DLGAP1: variants seen among roughly 807,000 people sequenced by gnomAD.
The protein encoded by DLGAP1 is DLG associated protein 1.
In DLGAP1, 11 loss-of-function variants were observed where a neutral mutation model predicts 90.8. The observed-to-expected ratio is 0.12, with a 90% CI of 0.08 to 0.20. The LOEUF (loss-of-function observed/expected upper bound fraction) is 0.20. Among genes scored for constraint, DLGAP1 ranks in the 10% least tolerant of loss-of-function variants. The pLI, the probability that DLGAP1 is intolerant of heterozygous loss-of-function variation, is 1.00. For missense variants in DLGAP1, 1,050 were observed against 1,333.8 expected, an observed-to-expected ratio of 0.79 and a Z score of 3.31; for synonymous variants, 558 against 540.7, an observed-to-expected ratio of 1.03 and a Z score of -0.44.
rs147729989 is a variant in DLGAP1, at chr18:4,331,727, G to A, written c.-267+123279C>T. Among the ~76,000 whole-genome samples the A allele has an allele frequency of 1.3e-3, 190 of 151,790 alleles. 5 individuals are homozygous for A. The highest frequency in any genetic ancestry group is 4.1e-3 in the African/African-American group (168 of 41,154). ...ACACTTCGGTTCCTCCTGGTCTTTCGGCTTCTTGATTCTATTAAATTATTT... is the reference window on the plus strand; with the variant it reads ...ACACTTCGGTTCCTCCTGGTCTTTCAGCTTCTTGATTCTATTAAATTATTT... On this transcript the variant is annotated intron_variant, in intron 1 of 12. Coordinates refer to ENST00000315677, the MANE Select transcript of DLGAP1 (RefSeq NM_004746.4).
chr18:3,803,714 G>A (rs1232418529), intron 5 of DLGAP1, among the ~76,000 whole-genome samples: 1 of 151,854 alleles, frequency 6.6e-6, no homozygotes, highest in Non-Finnish European at 1.5e-5. Context: ...GGCTGGAGCC[G>A]AAGACCCAGG....
chr18:4,080,171 C>T (rs1321833116), intron 2 of DLGAP1, among the ~76,000 whole-genome samples: 1 of 152,130 alleles, frequency 6.6e-6, no homozygotes, highest in Non-Finnish European at 1.5e-5. Flanking sequence ...TAAAAATAGA[C>T]ATATTGCAGT....
At chr18:4,021,547 T>C (rs1477526526) in intron 2 of DLGAP1, among the ~76,000 whole-genome samples, 2 of 152,204 alleles carry the variant, frequency 1.3e-5, no homozygotes, top group Non-Finnish European at 2.9e-5. Flanking sequence ...ATTAAACTCC[T>C]CTTCTTTGTA....
intron 4 of DLGAP1, among the ~76,000 whole-genome samples, chr18:3,862,223 T>C (rs1445189917): frequency 1.3e-5 from 2 of 152,110 alleles, no homozygotes; most frequent in Non-Finnish European, 2.9e-5. Context: ...TGTCAGAGGA[T>C]GAGGGGCCCT....
chr18:3,508,084 G>A (rs929497747), intron 11 of DLGAP1, among the ~76,000 whole-genome samples: 22 of 151,846 alleles, frequency 1.4e-4, no homozygotes, highest in African/African-American at 5.1e-4. Flanking sequence ...TTCTTCATTT[G>A]TTTCAAGAAG....
At chr18:3,819,048 A>T (rs1478537197) in intron 4 of DLGAP1, among the ~76,000 whole-genome samples, 1 of 151,590 alleles carries the variant, frequency 6.6e-6, no homozygotes, top group Non-Finnish European at 1.5e-5. Flanking sequence ...GCGGTGGCTC[A>T]TGCCTGTAAT....
intron 1 of DLGAP1, among the ~76,000 whole-genome samples, chr18:4,222,811 G>A (rs2078105666): frequency 6.6e-6 from 1 of 151,628 alleles, no homozygotes; most frequent in African/African-American, 2.4e-5. Context: ...TGGCAAAAAT[G>A]TGGGTAAACT....
At position 3,563,492 on chromosome 18, in the gene DLGAP1, G is replaced by A. The variant is rs764942370; in HGVS notation, c.2057+3998C>T. ...TTTTTTTGGTTTTTTTTTTTGAGAC[G>A]GAATTTCGCTCTTGTTGCCCAGGCT... is the stretch of plus-strand genomic sequence containing the variant. On this transcript the variant is annotated intron_variant, in intron 9 of 12. Transcript: ENST00000315677. Among the ~76,000 whole-genome samples the A allele has an allele frequency of 4.6e-4, 69 of 149,396 alleles. 2 individuals carry two copies. Among genetic ancestry groups the A allele is most frequent in the East Asian group, 3.9e-4 (2 of 5,076 alleles).
chr18:3,685,971 C>T (rs976933381), intron 7 of DLGAP1, among the ~76,000 whole-genome samples: 6 of 152,004 alleles, frequency 3.9e-5, no homozygotes, highest in African/African-American at 7.2e-5. Context: ...GTCAGGAGTT[C>T]GAGACCAGCC....
At chr18:3,793,519 G>A (rs748769302) in intron 5 of DLGAP1, among the ~76,000 whole-genome samples, 5 of 152,060 alleles carry the variant, frequency 3.3e-5, no homozygotes, top group Non-Finnish European at 5.9e-5. Context: ...CTTCTTGATA[G>A]AGCAGCCAGA....
At chr18:4,185,387 G>T (rs2139874) in intron 1 of DLGAP1, among the ~76,000 whole-genome samples, 66,944 of 151,518 alleles carry the variant, frequency 0.44, 16,178 homozygotes, top group East Asian at 0.7. Flanking sequence ...AATAGTTATT[G>T]TTTCTGATCC....
Position 3,804,031 on chromosome 18 carries a change from T to C in DLGAP1, c.1172+10028A>G, listed in dbSNP as rs965588197. On this transcript the variant is annotated intron_variant, in intron 5 of 12. Transcript: ENST00000315677. Reference sequence around the variant, plus strand: ...TTTTTTTTGAGACAGTCTGGCTCTGTCGGCCAGGCTAGGGTACAGTGGCAA... The same window carrying C: ...TTTTTTTTGAGACAGTCTGGCTCTGCCGGCCAGGCTAGGGTACAGTGGCAA... Among the ~76,000 whole-genome samples the C allele has an allele frequency of 1.7e-3, 256 of 147,706 alleles. 3 individuals are homozygous for C. The highest frequency in any genetic ancestry group is 6.2e-3 in the African/African-American group (249 of 40,002).
At chr18:3,501,827 T>A (rs909685815) in intron 12 of DLGAP1, among the ~76,000 whole-genome samples, 7 of 151,892 alleles carry the variant, frequency 4.6e-5, no homozygotes, top group African/African-American at 1.7e-4. Flanking sequence ...CATAATCAAA[T>A]GTGAAAATTA....
intron 7 of DLGAP1, chr18:3,656,269 AT>A: frequency 1.7e-6 from 1 of 597,738 alleles, no homozygotes; most frequent in Non-Finnish European, 2.8e-6. Context: ...AAATAAAATA[AT>A]TTTTAGTCTT....
chr18:4,146,723 A>G (rs953446547), intron 2 of DLGAP1, among the ~76,000 whole-genome samples: 1 of 152,192 alleles, frequency 6.6e-6, no homozygotes, highest in Admixed American at 6.5e-5. Context: ...TATGAGATAC[A>G]TTAAAAAAAC....
At chr18:4,143,785 C>T (rs1598476947) in intron 2 of DLGAP1, among the ~76,000 whole-genome samples, 1 of 152,118 alleles carries the variant, frequency 6.6e-6, no homozygotes, top group East Asian at 1.9e-4. Flanking sequence ...TGCTGCCTGG[C>T]TGTGACGGTT....
intron 1 of DLGAP1, among the ~76,000 whole-genome samples, chr18:4,217,973 A>G (rs1346899392): frequency 5.9e-5 from 9 of 152,044 alleles, no homozygotes. Context: ...TATTATATCT[A>G]AACACATTGC....
At chr18:3,668,511 G>A (rs1189696387) in intron 7 of DLGAP1, among the ~76,000 whole-genome samples, 1 of 151,940 alleles carries the variant, frequency 6.6e-6, no homozygotes, top group East Asian at 1.9e-4. Flanking sequence ...GTAGAGATGG[G>A]GGTCTCACTG....
chr18:3,619,593 T>A (rs1199999302), intron 7 of DLGAP1, among the ~76,000 whole-genome samples: 5 of 152,092 alleles, frequency 3.3e-5, no homozygotes. Context: ...AGTCCTTCCT[T>A]CTCTCCTCTT....
Sources: gnomAD v4.1 joint callset for allele counts (sites outside exome capture counted in the v4.1 genomes callset) on GRCh38, gnomAD v4.1.1 for gene constraint, MANE v1.5 for transcripts, NCBI Gene and HGNC (gene_info 2026-07-23, HGNC 2026-07-21) for gene names.